Variants in GALNT5 observed in about 807,000 individuals in gnomAD.
GALNT5 encodes UDP-GalNAc:polypeptide N-acetylgalactosaminyltransferase 5.
A neutral mutation model predicts 85.4 loss-of-function variants in GALNT5; 72 were observed. The observed-to-expected ratio is 0.84, with a 90% confidence interval of 0.70 to 1.03. The LOEUF (loss-of-function observed/expected upper bound fraction) is 1.03, where lower values mean the gene tolerates loss of function less well. Ranked by LOEUF, GALNT5 falls within the 50% of genes least tolerant of loss-of-function variation. GALNT5 has a pLI of 0.00. For missense variants in GALNT5, 1,137 were observed against 1,135.5 expected (o/e 1.00, Z -0.02); for synonymous variants, 404 against 397.0 (o/e 1.02, Z -0.21).
At position 157,311,358 on chromosome 2, in the gene GALNT5, G is replaced by A. The variant is rs1335114815; in HGVS notation, c.*10G>A. On this transcript the variant is annotated 3_prime_UTR_variant, in exon 10 of 10. Transcript: ENST00000259056. Reference sequence around the variant, plus strand: ...ATATTATGAAGCCTGAAGTGTAACTGATGTTTTTATATAGTAAACCCATTA... The same window carrying A: ...ATATTATGAAGCCTGAAGTGTAACTAATGTTTTTATATAGTAAACCCATTA... 2 of 1,570,792 alleles carry A rather than the reference G, an allele frequency of 1.3e-6. No individual in the cohort carries two copies. The highest frequency in any genetic ancestry group is 1.7e-6 in the Non-Finnish European group (2 of 1,150,368).
At chr2:157,271,760 C>T (rs1300098634) in intron 1 of GALNT5, among the ~76,000 whole-genome samples, 2 of 152,140 alleles carry the variant, frequency 1.3e-5, no homozygotes, top group African/African-American at 4.8e-5. Context: ...GCCTGTGAGA[C>T]ATGCAGAGAA....
rs943405146 is a variant in GALNT5, at chr2:157,313,094, G to A, written c.*1746G>A. ...GAAAACTGCAGATGAGTAAGAGAATGACTAGGAAATGAGATACAGTTATAT... is the reference window on the plus strand; with the variant it reads ...GAAAACTGCAGATGAGTAAGAGAATAACTAGGAAATGAGATACAGTTATAT... On this transcript the variant is annotated 3_prime_UTR_variant, in exon 10 of 10. Coordinates refer to ENST00000259056, the MANE Select transcript of GALNT5 (RefSeq NM_014568.3). The A allele has an allele frequency of 6.6e-6, 1 of 152,148 alleles. No homozygotes were observed. The highest frequency in any genetic ancestry group is 1.5e-5 in the Non-Finnish European group (1 of 68,006). The allele number at this position is 152,148 out of a possible 1,614,324, so 9.4% of individuals were successfully genotyped here.
intron 7 of GALNT5, chr2:157,302,245 G>GA (rs1683359362): frequency 1.3e-5 from 2 of 152,072 alleles, no homozygotes; most frequent in Non-Finnish European, 2.9e-5. Context: ...TTTCTGTCTG[G>GA]AAAATCTCCT....
intron 1 of GALNT5, among the ~76,000 whole-genome samples, chr2:157,261,317 G>A (rs74443166): frequency 0.03 from 4,517 of 152,272 alleles, 218 homozygotes; most frequent in African/African-American, 0.1. Context: ...AAGTAATAAC[G>A]ATGTTATCAC....
chr2:157,272,981 C>G (rs999228402), intron 1 of GALNT5, among the ~76,000 whole-genome samples: 1 of 152,130 alleles, frequency 6.6e-6, no homozygotes, highest in Admixed American at 6.5e-5. Flanking sequence ...ACATTCCTAC[C>G]GACAGTATGG....
chr2:157,261,697 C>G (rs1682343392), intron 1 of GALNT5, among the ~76,000 whole-genome samples: 1 of 152,088 alleles, frequency 6.6e-6, no homozygotes. Flanking sequence ...ATTTTTTGTT[C>G]TTTTACCCAA....
intron 1 of GALNT5, among the ~76,000 whole-genome samples, chr2:157,278,206 G>A (rs1212886893): frequency 3.3e-5 from 5 of 152,228 alleles, no homozygotes; most frequent in South Asian, 2.1e-4. Context: ...TAGTCTGATC[G>A]GCTTCCCTTT....
rs1156461752 is a variant in GALNT5 at position 157,284,183 on chromosome 2, T to C, written c.1455-99T>C. On this transcript the variant is annotated intron_variant, in intron 1 of 9. Transcript: ENST00000259056. ...CCAGACAGATCGATGACAGATTAAG[T>C]GTGTGTGTATATGCACACCATCGCA... 4 of 826,478 alleles carry C rather than the reference T, an allele frequency of 4.8e-6. No homozygotes were observed. The South Asian group carries it at 5.8e-5, about 12-fold the overall frequency. 51.2% of individuals were successfully genotyped at this position (826,478 alleles called of 1,614,324 possible).
chr2:157,262,309 A>G (rs1178376162), intron 1 of GALNT5, among the ~76,000 whole-genome samples: 1 of 151,968 alleles, frequency 6.6e-6, no homozygotes, highest in East Asian at 1.9e-4. Flanking sequence ...CATCTTAAAG[A>G]TGAATGAGCT....
chr2:157,293,693 T>G (rs1479083038), intron 3 of GALNT5, among the ~76,000 whole-genome samples: 12 of 152,180 alleles, frequency 7.9e-5, no homozygotes, highest in Admixed American at 7.2e-4. Context: ...CACCAATACC[T>G]TGCCCTCATG....
At chr2:157,281,691 T>C (rs945980908) in intron 1 of GALNT5, among the ~76,000 whole-genome samples, 2 of 152,200 alleles carry the variant, frequency 1.3e-5, no homozygotes, top group African/African-American at 4.8e-5. Flanking sequence ...TTGGCAAAAA[T>C]ATGAGCATTG....
At chr2:157,294,546 G>A (rs1683168229) in intron 3 of GALNT5, among the ~76,000 whole-genome samples, 1 of 152,174 alleles carries the variant, frequency 6.6e-6, no homozygotes, top group Non-Finnish European at 1.5e-5. Flanking sequence ...CAGACAGGCA[G>A]AAGAGCAAGT....
At chr2:157,267,724 T>C (rs966890885) in intron 1 of GALNT5, among the ~76,000 whole-genome samples, 2 of 152,234 alleles carry the variant, frequency 1.3e-5, no homozygotes, top group African/African-American at 2.4e-5. Flanking sequence ...GCCTGAGTCC[T>C]GTCACTTTGA....
At position 157,258,096 on chromosome 2, in the gene GALNT5, G is replaced by T; in HGVS notation, c.14G>T (p.Arg5Leu). MNRI[R>L]KFFRGSGRVL... is the part of the protein sequence containing the mutation. ...AAGCTTTGTACCATGAACAGGATCCGAAAGTTTTTCCGAGGAAGTGGGCGA... is the reference window on the plus strand; with the variant it reads ...AAGCTTTGTACCATGAACAGGATCCTAAAGTTTTTCCGAGGAAGTGGGCGA... The change falls in exon 1 of 10, where the codon CGA becomes CTA. Residue 5 changes from arginine (R) to leucine (L), a missense_variant. Transcript: ENST00000259056. 4 of 1,613,794 alleles carry T rather than the reference G, an allele frequency of 2.5e-6. No homozygotes were observed. The highest frequency in any genetic ancestry group is 2.5e-6 in the Non-Finnish European group (3 of 1,180,018).
rs776663814 is a variant in GALNT5 at position 157,295,777 on chromosome 2, T to C, written c.1856T>C (p.Val619Ala). 1 of 1,606,770 alleles carries C rather than the reference T, an allele frequency of 6.2e-7. No homozygotes were observed. The highest frequency in any genetic ancestry group is 1.3e-5 in the African/African-American group (1 of 74,744). ...AAAGTGGCCTGTCCAGTAATCGAAG[T>C]CATCAATGATAAGGATATGAGGTAA... ...RKKVACPVIE[V>A]INDKDMSYMT... The change falls in exon 4 of 10, where the codon GTC becomes GCC. Residue 619 changes from valine (V) to alanine (A), a missense_variant. By Grantham distance (64) the Val-to-Ala change is moderately conservative (BLOSUM62 0). Transcript: ENST00000259056.
chr2:157,281,526 AGT>A (rs1348213611), intron 1 of GALNT5, among the ~76,000 whole-genome samples: 1 of 152,172 alleles, frequency 6.6e-6, no homozygotes, highest in Non-Finnish European at 1.5e-5. Context: ...CTCAGAAGGA[AGT>A]GAGCGGCACA....
chr2:157,285,449 A>G (rs1682949003), intron 2 of GALNT5, among the ~76,000 whole-genome samples: 1 of 152,212 alleles, frequency 6.6e-6, no homozygotes, highest in African/African-American at 2.4e-5. Context: ...ATAGCTGTCA[A>G]TAGCTTGATT....
chr2:157,284,168 C>G (rs1364833914), intron 1 of GALNT5, 114 bp from the exon 2 acceptor site: 1 of 760,382 alleles, frequency 1.3e-6, no homozygotes, highest in Non-Finnish European at 2.3e-6. Flanking sequence ...CCAGACAGAT[C>G]GATGACAGAT....
chr2:157,315,935 T>G lies in GALNT5; in HGVS notation c.*4587T>G, dbSNP rs1450413218. Among the ~76,000 whole-genome samples the G allele has an allele frequency of 1.3e-5, 2 of 152,132 alleles. No homozygotes were observed. Among genetic ancestry groups the G allele is most frequent in the South Asian group, 2.1e-4 (1 of 4,830 alleles). On this transcript the variant is annotated 3_prime_UTR_variant, in exon 10 of 10. Coordinates refer to ENST00000259056, the MANE Select transcript of GALNT5 (RefSeq NM_014568.3). ...TGCTCAAGAGAGGGTTTTCTGGGTTTGGGGCAAGATTTGATTGATTTCATA... is the reference window on the plus strand; with the variant it reads ...TGCTCAAGAGAGGGTTTTCTGGGTTGGGGGCAAGATTTGATTGATTTCATA...
Sources: allele counts gnomAD v4.1 joint callset (sites outside exome capture counted in the v4.1 genomes callset), GRCh38; gene constraint gnomAD v4.1.1; transcripts MANE v1.5; gene names NCBI Gene and HGNC (gene_info 2026-07-23, HGNC 2026-07-21).